Variants in DDHD2 observed in about 807,000 individuals in gnomAD.
The protein encoded by DDHD2 is DDHD domain containing 2, also known as triacylglycerol hydrolase DDHD2.
In DDHD2, 62 loss-of-function variants were observed where a neutral mutation model predicts 91.2. That is an observed-to-expected ratio of 0.68 (90% CI 0.55 to 0.84). The LOEUF is 0.84. Ranked by LOEUF, DDHD2 falls within the 40% of genes least tolerant of loss-of-function variation. DDHD2 has a pLI of 0.00. For synonymous variants in DDHD2, 271 were observed against 293.9 expected, an observed-to-expected ratio of 0.92 and a Z score of 0.80; for missense variants, 740 against 846.9, an observed-to-expected ratio of 0.87 and a Z score of 1.57.
At chr8:38,236,321 T>C (rs1196453227) in intron 3 of DDHD2, among the ~76,000 whole-genome samples, 1 of 151,376 alleles carries the variant, frequency 6.6e-6, no homozygotes, top group African/African-American at 2.4e-5. Flanking sequence ...CTTTTTCTTG[T>C]TTTTGGTTTT....
rs10099288 is a variant in DDHD2, at chr8:38,268,131, G to A, written n.88-2991G>A. ...CACTCTTTTGTAGCCGAGAACTTTTGTACTAGGCCAAAGACATTTCTGAGG... is the reference window on the plus strand; with the variant it reads ...CACTCTTTTGTAGCCGAGAACTTTTATACTAGGCCAAAGACATTTCTGAGG... On this transcript the variant is annotated intron_variant and non_coding_transcript_variant, in intron 1 of 1. Transcript: ENST00000526071. 193 of 1,417,414 alleles carry A rather than the reference G, an allele frequency of 1.4e-4. No homozygotes were observed. In the African/African-American group the frequency reaches 2.7e-3, roughly 20 times the overall value. 87.8% of individuals were successfully genotyped at this position (1,417,414 alleles called of 1,614,324 possible). A position where few individuals can be genotyped will look rare whatever the true frequency, so the allele number is the denominator to read the frequency against.
chr8:38,260,235 A>T, intron 17 of DDHD2, 88 bp downstream of exon 17: 1 of 680,002 alleles, frequency 1.5e-6, no homozygotes, highest in Non-Finnish European at 2.5e-6. Context: ...CTTTTTAAAT[A>T]TACTAGCTGT....
chr8:38,241,035 C>T (rs1344386179), intron 6 of DDHD2, among the ~76,000 whole-genome samples: 1 of 147,392 alleles, frequency 6.8e-6, no homozygotes, highest in Non-Finnish European at 1.5e-5. Context: ...CGGGCCACTG[C>T]ACTCCAGCCT....
chr8:38,236,327 G>GTT (rs72487313), intron 3 of DDHD2, among the ~76,000 whole-genome samples: 3 of 135,864 alleles, frequency 2.2e-5, no homozygotes, highest in Admixed American at 7.3e-5. Flanking sequence ...CTTGTTTTTG[G>GTT]TTTTTTTTTT....
Position 38,252,164 on chromosome 8 carries a change from A to C in DDHD2, c.1494A>C (p.Lys498Asn), listed in dbSNP as rs1806159728. 6.2e-7 allele frequency: 1 copy of C among 1,614,088 alleles called. No homozygotes were observed. The highest frequency in any genetic ancestry group is 8.5e-7 in the Non-Finnish European group (1 of 1,180,010). Residue 498 changes from lysine to asparagine, a missense_variant, in exon 13 of 18, where the codon AAA (lysine) becomes AAC (asparagine). Physicochemically the swap from Lys to Asn is moderately conservative, Grantham distance 94. This residue lies in a region of DDHD2 where 693 missense variants were observed against 764.2 expected (regional missense o/e 0.91). Coordinates refer to ENST00000397166, the MANE Select transcript of DDHD2 (RefSeq NM_015214.3). ...TGAAATACCCCCGGCTCATCTATAA[A>C]CCAGAGATATTCTTTGCCTTTGGAT... ...VSVKYPRLIY[K>N]PEIFFAFGSP...
At chr8:38,238,654 T>C in intron 5 of DDHD2, 1 of 976,692 alleles carries the variant, frequency 1.0e-6, no homozygotes, top group South Asian at 4.7e-5. Flanking sequence ...ATAATATTCC[T>C]TTTTTCTTGT....
intron 16 of DDHD2, chr8:38,255,414 G>A (rs922470940): frequency 2.3e-5 from 10 of 443,394 alleles, no homozygotes; most frequent in Admixed American, 1.5e-4. Context: ...ATATTTCTGT[G>A]TGGGCAGTAC....
In DDHD2 at chr8:38,238,072, G is replaced by A. The variant is rs371724052; in HGVS notation, c.502-17G>A. On this transcript the variant is annotated splice_polypyrimidine_tract_variant and intron_variant, in intron 4 of 17. Transcript: ENST00000397166. ...TATTGCAGAATATTTTTATTGCTCTGATCTGTTCTGTTTAAGCTTATGGTG... is the reference window on the plus strand; with the variant it reads ...TATTGCAGAATATTTTTATTGCTCTAATCTGTTCTGTTTAAGCTTATGGTG... 10 of 1,593,564 alleles carry A rather than the reference G, an allele frequency of 6.3e-6. No homozygotes were observed. The African/African-American group carries it at 1.1e-4, about 17-fold the overall frequency.
At position 38,268,533 on chromosome 8, in the gene DDHD2, ATG is replaced by A. The variant is rs1376517265; in HGVS notation, n.88-2586_88-2585del. 3 of 1,536,368 alleles carry A rather than the reference ATG, an allele frequency of 2.0e-6. No individual in the cohort carries two copies. In the Admixed American group the frequency reaches 5.9e-5, roughly 30 times the overall value. ...ACTCGTGCTCCTACAGGAAAGAGGG[ATG>A]TGACACAGCAGGACTCACTGGAGCT... On this transcript the variant is annotated intron_variant and non_coding_transcript_variant, in intron 1 of 1. Transcript: ENST00000526071.
chr8:38,235,693 C>G (rs548259382), intron 3 of DDHD2, among the ~76,000 whole-genome samples: 29 of 149,932 alleles, frequency 1.9e-4, no homozygotes, highest in South Asian at 4.2e-4. Context: ...TGAACTACAG[C>G]CTGGGCAACG....
chr8:38,234,332 T>C (rs1804531321), intron 2 of DDHD2, 62 bp from the exon 3 acceptor site: 1 of 1,273,730 alleles, frequency 7.9e-7, no homozygotes, highest in Non-Finnish European at 1.1e-6. Context: ...TAACTGAGAA[T>C]TGTATGTTGG....
At chr8:38,270,187 C>T (rs573246607) in intron 1 of DDHD2, 1 of 152,202 alleles carries the variant, frequency 6.6e-6, no homozygotes, top group Non-Finnish European at 1.5e-5. Context: ...AAGAGATTGA[C>T]TTTAGTGAAT....
At chr8:38,231,987 G>C (rs1367074550) in intron 1 of DDHD2, 128 bp downstream of exon 1, 1 of 152,922 alleles carries the variant, frequency 6.5e-6, no homozygotes, top group Non-Finnish European at 1.5e-5. Context: ...CGAGCCTGGG[G>C]GAACCCTGGG....
downstream of DDHD2, chr8:38,264,577 A>G (rs1807295993): frequency 1.9e-6 from 3 of 1,592,814 alleles, no homozygotes; most frequent in East Asian, 2.3e-5. Flanking sequence ...GGCAAATGTC[A>G]TTCCAATCAT....
In DDHD2 at chr8:38,247,693, C is replaced by T. The variant is rs1432888102; in HGVS notation, c.1126-20C>T. 26 of 1,439,282 alleles carry T rather than the reference C, an allele frequency of 1.8e-5. No individual in the cohort carries two copies. The highest frequency in any genetic ancestry group is 2.4e-5 in the Non-Finnish European group (26 of 1,070,894). 89.2% of individuals were successfully genotyped at this position (1,439,282 alleles called of 1,614,324 possible). A position where few individuals can be genotyped will look rare whatever the true frequency, so the allele number is the denominator to read the frequency against. Reference sequence around the variant, plus strand: ...ACTAAATGAATTTCAAGAATATGAGCTTTATAATTTAATTTTTAGGATTCG... The same window carrying T: ...ACTAAATGAATTTCAAGAATATGAGTTTTATAATTTAATTTTTAGGATTCG... On this transcript the variant is annotated intron_variant, in intron 9 of 17. Coordinates refer to ENST00000397166, the MANE Select transcript of DDHD2 (RefSeq NM_015214.3).
In DDHD2 at chr8:38,233,323, G is replaced by T. The variant is rs1804442241; in HGVS notation, c.220+109G>T. 5 of 773,026 alleles carry T rather than the reference G, an allele frequency of 6.5e-6. No homozygotes were observed. In the Admixed American group the frequency reaches 1.5e-4, roughly 23 times the overall value. 47.9% of individuals were successfully genotyped at this position (773,026 alleles called of 1,614,324 possible). ...GAAAACCAAATTTTAGATTTTTCCAGTTACATAATTTCTTACAGCATTTTA... is the reference window on the plus strand; with the variant it reads ...GAAAACCAAATTTTAGATTTTTCCATTTACATAATTTCTTACAGCATTTTA... On this transcript the variant is annotated intron_variant, in intron 2 of 17. Transcript: ENST00000397166.
In DDHD2 at chr8:38,249,785, CA is replaced by C; in HGVS notation, c.1327del (p.Thr443ProfsTer48). 1 of 1,609,880 alleles carries C rather than the reference CA, an allele frequency of 6.2e-7. No individual in the cohort carries two copies. Among genetic ancestry groups the C allele is most frequent in the East Asian group, 2.2e-5 (1 of 44,786 alleles). On this transcript the variant is annotated frameshift_variant, in exon 11 of 18. Transcript: ENST00000397166. LOFTEE classifies it high-confidence loss of function. ...GAAAGAAGATATTAAACTATTTCAG[CA>C]CCAGAAAAAACTCAATGGTATGTGC... Reference protein sequence around the residue: ...PRKKILNYFSTRKNSMGIKRP... With the variant: ...PRKKILNYFSXRKNSMGIKRP...
At chr8:38,266,196 AAGT>A (rs1460961919), downstream of DDHD2, 5 of 1,613,994 alleles carry the variant, frequency 3.1e-6, no homozygotes, top group Non-Finnish European at 4.2e-6. Flanking sequence ...CAGCTGCAAA[AAGT>A]AGAGGTGACA....
exon 2 of DDHD2, chr8:38,271,298 AAG>A (rs1188708974): frequency 3.3e-5 from 5 of 152,126 alleles, no homozygotes; most frequent in Non-Finnish European, 7.3e-5. Flanking sequence ...AAACTAAAAT[AAG>A]GAGAATCTGA....
Sources: gnomAD v4.1 joint callset for allele counts (sites outside exome capture counted in the v4.1 genomes callset) on GRCh38, gnomAD v4.1.1 for gene constraint, gnomAD v4.1.1 regional missense constraint, MANE v1.5 for transcripts, NCBI Gene and HGNC (gene_info 2026-07-23, HGNC 2026-07-21) for gene names.